Variants in STAT4 observed in about 807,000 individuals in gnomAD.
STAT4 encodes the protein signal transducer and activator of transcription 4.
A neutral mutation model predicts 110.5 loss-of-function variants in STAT4; 42 were observed. The ratio of observed to expected loss-of-function variants is 0.38; its 90% CI spans 0.30 to 0.49. The LOEUF is 0.49. STAT4 is among the 20% of genes least tolerant of loss of function. STAT4 has a pLI of 0.95. For synonymous variants in STAT4, 284 were observed against 302.2 expected (o/e 0.94, Z 0.63); for missense variants, 632 against 887.9 (o/e 0.71, Z 3.66).
intron 3 of STAT4, among the ~76,000 whole-genome samples, chr2:191,094,869 A>C (rs1375036311): frequency 6.9e-6 from 1 of 145,066 alleles, no homozygotes; most frequent in Admixed American, 7.1e-5. Context: ...AGACACATAC[A>C]GGCTCAAAAT....
In STAT4 at chr2:191,064,943, T is replaced by C; in HGVS notation, c.646A>G (p.Met216Val). The change falls in exon 8 of 24, where the codon ATG becomes GTG. Residue 216 changes from methionine to valine, a missense_variant. This residue lies in a region of STAT4 where 488 missense variants were observed against 632.8 expected (regional missense o/e 0.77). Coordinates refer to ENST00000392320, the MANE Select transcript of STAT4 (RefSeq NM_003151.4). ...DFKRKEALSK[M>V]TQIIHETDLL... ...TCTGTCTCATGGATGATTTGGGTCA[T>C]TTTACTGAGAGCCTCCTAAAAACAA... is the stretch of plus-strand genomic sequence containing the variant. 7 of 1,602,872 alleles carry C rather than the reference T, an allele frequency of 4.4e-6. No individual in the cohort carries two copies. The highest frequency in any genetic ancestry group is 5.1e-6 in the Non-Finnish European group (6 of 1,175,336).
At chr2:191,120,489 G>C (rs555397237) in intron 3 of STAT4, among the ~76,000 whole-genome samples, 1 of 152,258 alleles carries the variant, frequency 6.6e-6, no homozygotes, top group East Asian at 1.9e-4. Context: ...CTGCACTCTA[G>C]CATGGGTGAC....
intron 13 of STAT4, among the ~76,000 whole-genome samples, chr2:191,057,172 T>G (rs553312834): frequency 6.6e-6 from 1 of 152,350 alleles, no homozygotes; most frequent in South Asian, 2.1e-4. Flanking sequence ...CCCCCTGCCC[T>G]GCTTCCTTTC....
intron 3 of STAT4, among the ~76,000 whole-genome samples, chr2:191,130,188 C>T (rs1698993460): frequency 1.3e-5 from 2 of 149,410 alleles, no homozygotes; most frequent in South Asian, 4.2e-4. Flanking sequence ...CCTCTCCTCA[C>T]TTGTTACTGT....
At chr2:191,036,345 G>A (rs1468597822) in intron 16 of STAT4, 46 bp from the exon 17 acceptor site, 1 of 1,601,972 alleles carries the variant, frequency 6.2e-7, no homozygotes, top group Admixed American at 1.7e-5. Context: ...CTTACAGTGG[G>A]TAGCTAGTGA....
At position 191,031,146 on chromosome 2, in the gene STAT4, C is replaced by T. The variant is rs763940359; in HGVS notation, c.2112-66G>A. ...AATAATAATAGTTCACGGTGACTTA[C>T]TATGTCAGGAACTCATTTCTAGGGC... is the stretch of plus-strand genomic sequence containing the variant. On this transcript the variant is annotated intron_variant, in intron 22 of 23. Coordinates refer to ENST00000392320, the MANE Select transcript of STAT4 (RefSeq NM_003151.4). The surrounding 1 kb of genome is among the most constrained non-coding windows in gnomAD (Gnocchi z 4.8). The T allele has an allele frequency of 6.6e-7, 1 of 1,512,862 alleles. No individual in the cohort carries two copies. 93.7% of individuals were successfully genotyped at this position (1,512,862 alleles called of 1,614,324 possible).
At chr2:191,134,901 C>T (rs966239846) in intron 3 of STAT4, among the ~76,000 whole-genome samples, 1 of 151,450 alleles carries the variant, frequency 6.6e-6, no homozygotes, top group Non-Finnish European at 1.5e-5. Flanking sequence ...ACAACATATC[C>T]AAATCTATGA....
Position 191,030,110 on chromosome 2 carries a change from T to C in STAT4, c.2221-244A>G, listed in dbSNP as rs1695845124. On this transcript the variant is annotated intron_variant, in intron 23 of 23. Transcript: ENST00000392320. This position sits in a 1 kb window ranked among gnomAD's most constrained non-coding sequence, Gnocchi z 4.4. The stretch of plus-strand genomic sequence containing the variant: ...AAGGCCTGTTTATCCACCAAAAACA[T>C]AATGAGGAAATGGGTGCAAAATGTA... 6.6e-6 allele frequency among the ~76,000 whole-genome samples: 1 copy of C among 152,180 alleles called. No homozygotes were observed. Among genetic ancestry groups the C allele is most frequent in the Admixed American group, 6.5e-5 (1 of 15,286 alleles).
At position 191,107,542 on chromosome 2, in the gene STAT4, A is replaced by G. The variant is rs1698314706; in HGVS notation, c.274-31217T>C. On this transcript the variant is annotated intron_variant, in intron 3 of 23. Transcript: ENST00000392320. This position sits in a 1 kb window ranked among gnomAD's most constrained non-coding sequence, Gnocchi z 4.2. The stretch of plus-strand genomic sequence containing the variant: ...GGGTTTATGTAACTTGCCCAAAATC[A>G]TGTTGCTAATAAATCTGAGGCAGGG... Among the ~76,000 whole-genome samples the G allele has an allele frequency of 6.6e-6, 1 of 152,182 alleles. No homozygotes were observed. Among genetic ancestry groups the G allele is most frequent in the African/African-American group, 2.4e-5 (1 of 41,430 alleles).
At position 191,037,865 on chromosome 2, in the gene STAT4, T is replaced by A. The variant is rs1027932977; in HGVS notation, c.1434+1334A>T. ...AGAATACAATCAAGGCCTAAGGGCT[T>A]AGGTTTCAAAGCAGGATAGAATTAA... On this transcript the variant is annotated intron_variant, in intron 16 of 23. Transcript: ENST00000392320. This position sits in a 1 kb window ranked among gnomAD's most constrained non-coding sequence, Gnocchi z 4.8. Among the ~76,000 whole-genome samples, 5 of 152,172 alleles carry A rather than the reference T, an allele frequency of 3.3e-5. No individual in the cohort carries two copies. Among genetic ancestry groups the A allele is most frequent in the African/African-American group, 1.2e-4 (5 of 41,428 alleles).
intron 3 of STAT4, among the ~76,000 whole-genome samples, chr2:191,094,071 A>G (rs1697887241): frequency 1.3e-5 from 2 of 152,210 alleles, no homozygotes; most frequent in Non-Finnish European, 2.9e-5. Context: ...CAAAGCCTCC[A>G]AGAAATATGG....
At chr2:191,123,831 T>A (rs770783786) in intron 3 of STAT4, among the ~76,000 whole-genome samples, 1 of 152,224 alleles carries the variant, frequency 6.6e-6, no homozygotes, top group Non-Finnish European at 1.5e-5. Context: ...ACTGCGTTAT[T>A]ATTGCTAGCC....
In STAT4 at chr2:191,046,694, A is replaced by G. The variant is rs149395686; in HGVS notation, c.1252-5546T>C. The stretch of plus-strand genomic sequence containing the variant: ...TATTGTGATATAATAAGAAATCTAT[A>G]TTTGGTCCCTGCACCTGGTTACTGA... On this transcript the variant is annotated intron_variant, in intron 14 of 23. Transcript: ENST00000392320. This position sits in a 1 kb window ranked among gnomAD's most constrained non-coding sequence, Gnocchi z 4.6. Among the ~76,000 whole-genome samples the G allele has an allele frequency of 3.3e-4, 51 of 152,290 alleles. No individual in the cohort carries two copies. Among genetic ancestry groups the G allele is most frequent in the Admixed American group, 7.2e-4 (11 of 15,302 alleles).
At position 191,033,145 on chromosome 2, in the gene STAT4, T is replaced by C. The variant is rs962047809; in HGVS notation, c.1857A>G (p.Glu619=). The C allele has an allele frequency of 6.2e-7, 1 of 1,612,096 alleles. No individual in the cohort carries two copies. Among genetic ancestry groups the C allele is most frequent in the Non-Finnish European group, 8.5e-7 (1 of 1,179,384 alleles). ...AGGGTTCTACAGAGTGGAATCTCAC[T>C]TCCCCTTGAAAAACAGAAATTGGAG... ...FTWVDHSESG[E]VRFHSVEPYN... is the part of the protein sequence containing the mutation. The change falls in exon 21 of 24, where the codon GAA becomes GAG. Residue 619 remains glutamate, a synonymous_variant. Transcript: ENST00000392320. This position sits in a 1 kb window ranked among gnomAD's most constrained non-coding sequence, Gnocchi z 6.9.
chr2:191,140,604 T>C lies in STAT4; in HGVS notation c.273+6009A>G, dbSNP rs1699296411. Among the ~76,000 whole-genome samples, 1 of 152,132 alleles carries C rather than the reference T, an allele frequency of 6.6e-6. No individual in the cohort carries two copies. The highest frequency in any genetic ancestry group is 1.5e-5 in the Non-Finnish European group (1 of 68,012). On this transcript the variant is annotated intron_variant, in intron 3 of 23. Transcript: ENST00000392320. This position sits in a 1 kb window ranked among gnomAD's most constrained non-coding sequence, Gnocchi z 4.4. ...AGTCAAAAACCAATAGACGCTGGCA[T>C]GGATGTAGTGAAAAGGGAACACTGT...
At chr2:191,131,048 T>G (rs1699023509) in intron 3 of STAT4, among the ~76,000 whole-genome samples, 1 of 151,788 alleles carries the variant, frequency 6.6e-6, no homozygotes, top group Admixed American at 6.5e-5. Flanking sequence ...ACCACCAGAT[T>G]GTATGATCCA....
rs1699292248 is a variant in STAT4, at chr2:191,140,464, A to G, written c.273+6149T>C. ...TTGAATACACAATTCTCAAAAGAAG[A>G]TATACAGTCAACAAACATGTAAAAA... On this transcript the variant is annotated intron_variant, in intron 3 of 23. Transcript: ENST00000392320. This position sits in a 1 kb window ranked among gnomAD's most constrained non-coding sequence, Gnocchi z 4.4. Among the ~76,000 whole-genome samples, 1 of 152,250 alleles carries G rather than the reference A, an allele frequency of 6.6e-6. No homozygotes were observed. Among genetic ancestry groups the G allele is most frequent in the Non-Finnish European group, 1.5e-5 (1 of 68,042 alleles).
In STAT4 at chr2:191,116,063, T is replaced by G. The variant is rs1430195212; in HGVS notation, c.273+30550A>C. On this transcript the variant is annotated intron_variant, in intron 3 of 23. Coordinates refer to ENST00000392320, the MANE Select transcript of STAT4 (RefSeq NM_003151.4). This position sits in a 1 kb window ranked among gnomAD's most constrained non-coding sequence, Gnocchi z 4.1. The stretch of plus-strand genomic sequence containing the variant: ...TTATGACCACAGAAAAAACTTAGAA[T>G]GTGTTGGATTGTCAGAAAAACTTCA... Among the ~76,000 whole-genome samples the G allele has an allele frequency of 1.3e-5, 2 of 152,192 alleles. No individual in the cohort carries two copies. Among genetic ancestry groups the G allele is most frequent in the Admixed American group, 1.3e-4 (2 of 15,284 alleles).
Position 191,042,975 on chromosome 2 carries a change from C to G in STAT4, c.1252-1827G>C, listed in dbSNP as rs1394765765. On this transcript the variant is annotated intron_variant, in intron 14 of 23. Transcript: ENST00000392320. The surrounding 1 kb of genome is among the most constrained non-coding windows in gnomAD (Gnocchi z 4.2). The stretch of plus-strand genomic sequence containing the variant: ...TGTATTTTTAGTAGAGATGGGGTTT[C>G]TCCATGTTGGTCAAGCTGGGCTCGA... Among the ~76,000 whole-genome samples the G allele has an allele frequency of 6.6e-6, 1 of 152,146 alleles. No homozygotes were observed. Among genetic ancestry groups the G allele is most frequent in the Non-Finnish European group, 1.5e-5 (1 of 68,018 alleles).
Sources: gnomAD v4.1 joint callset for allele counts (sites outside exome capture counted in the v4.1 genomes callset) on GRCh38, gnomAD v4.1.1 for gene constraint, gnomAD v4.1.1 regional missense constraint, Gnocchi (gnomAD v3.1) non-coding constraint, MANE v1.5 for transcripts, NCBI Gene and HGNC (gene_info 2026-07-23, HGNC 2026-07-21) for gene names.